NEDD4: variants seen among roughly 807,000 people sequenced by gnomAD.
NEDD4 encodes the protein E3 ubiquitin-protein ligase NEDD4.
Under a neutral mutation model 144.9 loss-of-function variants are expected in NEDD4, and 99 were observed. The observed-to-expected ratio is 0.68, with a 90% CI of 0.58 to 0.81. The LOEUF is 0.81. NEDD4 is among the 30% of genes least tolerant of loss of function. NEDD4 has a pLI of 0.00. For missense variants in NEDD4, 985 were observed against 1,065.9 expected, an observed-to-expected ratio of 0.92 and a Z score of 1.06; for synonymous variants, 318 against 350.6, an observed-to-expected ratio of 0.91 and a Z score of 1.04.
chr15:55,974,891 C>CTTTTTTTTGTTTTTT (rs2037673433), intron 1 of NEDD4, among the ~76,000 whole-genome samples: 1 of 75,700 alleles, frequency 1.3e-5, no homozygotes, highest in Non-Finnish European at 2.5e-5. Flanking sequence ...CTTTTCCTTT[C>CTTTTTTTTGTTTTTT]TTTTTTTTTT....
intron 14 of NEDD4, 97 bp downstream of exon 14, chr15:55,850,444 CA>C: frequency 9.2e-7 from 1 of 1,084,666 alleles, no homozygotes; most frequent in Non-Finnish European, 1.4e-6. Flanking sequence ...TATTAGGAAA[CA>C]TAGGTTATAC....
At chr15:55,865,274 A>G (rs1278162666) in intron 8 of NEDD4, among the ~76,000 whole-genome samples, 4 of 151,792 alleles carry the variant, frequency 2.6e-5, no homozygotes, top group Non-Finnish European at 5.9e-5. Flanking sequence ...CAAAATACGC[A>G]GATTACTTAG....
chr15:55,884,149 G>C lies in NEDD4; in HGVS notation c.292-10141C>G, dbSNP rs2035303208. On this transcript the variant is annotated intron_variant, in intron 5 of 28. Transcript: ENST00000435532. ...CCCACCTTGGCCTCCCAAAGTGCTG[G>C]GATTACAGGCATGAGCCACCATGCC... 3.9e-5 allele frequency among the ~76,000 whole-genome samples: 6 copies of C among 152,190 alleles called. No homozygotes were observed. The South Asian group carries it at 1.2e-3, about 32-fold the overall frequency.
chr15:55,988,487 T>TAAAAAAAAAAA (rs56688563), intron 1 of NEDD4, among the ~76,000 whole-genome samples: 95 of 101,648 alleles, frequency 9.3e-4, no homozygotes, highest in East Asian at 1.7e-3. Context: ...AAAAAAAAAT[T>TAAAAAAAAAAA]AAAAAAAAAA....
chr15:55,903,748 C>T (rs2035987555), intron 5 of NEDD4, among the ~76,000 whole-genome samples: 2 of 149,120 alleles, frequency 1.3e-5, no homozygotes, highest in Admixed American at 1.3e-4. Flanking sequence ...TGGCGTGAAC[C>T]CGGGAGGCGG....
At position 55,829,201 on chromosome 15, in the gene NEDD4, CAT is replaced by C. The variant is rs1467090907; in HGVS notation, c.*694_*695del. ...CCATTGCAAATATGAATTTGCTTCA[CAT>C]GTCTTATGAACCATCTGTTTAGTAA... is the stretch of plus-strand genomic sequence containing the variant. On this transcript the variant is annotated 3_prime_UTR_variant, in exon 29 of 29. Coordinates refer to ENST00000435532, the MANE Select transcript of NEDD4 (RefSeq NM_006154.4). 8 of 152,224 alleles carry C rather than the reference CAT, an allele frequency of 5.3e-5. No homozygotes were observed. The allele number at this position is 152,224 out of a possible 1,614,324, so 9.4% of individuals were successfully genotyped here.
chr15:55,844,551 C>T (rs759639756), intron 18 of NEDD4, among the ~76,000 whole-genome samples: 2 of 152,100 alleles, frequency 1.3e-5, no homozygotes, highest in Non-Finnish European at 2.9e-5. Context: ...GTTATTGACT[C>T]CACCATTCAC....
chr15:55,876,154 A>T (rs561962809), intron 5 of NEDD4, among the ~76,000 whole-genome samples: 1 of 152,276 alleles, frequency 6.6e-6, no homozygotes, highest in Non-Finnish European at 1.5e-5. Flanking sequence ...TCTAGCAAAA[A>T]CTATCCATAA....
chr15:55,935,845 CAAAAAAAA>C (rs35215537), intron 4 of NEDD4, among the ~76,000 whole-genome samples: 1 of 78,264 alleles, frequency 1.3e-5, no homozygotes, highest in Non-Finnish European at 2.4e-5. Flanking sequence ...GACTCTGTTT[CAAAAAAAA>C]AAAAAAAAAA....
At chr15:55,852,725 T>TATATATATATATA (rs2034040939) in intron 12 of NEDD4, among the ~76,000 whole-genome samples, 182 bp from the exon 13 acceptor site, 1 of 134,500 alleles carries the variant, frequency 7.4e-6, no homozygotes, top group African/African-American at 3.2e-5. Flanking sequence ...ATATATATAT[T>TATATATATATATA]TACCTTTTCT....
chr15:55,897,597 TC>T (rs1397504279), intron 5 of NEDD4, among the ~76,000 whole-genome samples: 1 of 152,180 alleles, frequency 6.6e-6, no homozygotes, highest in Admixed American at 6.5e-5. Flanking sequence ...CCTGCTCAAC[TC>T]CCTGCAATCT....
At chr15:55,972,279 A>G (rs2037624530) in intron 1 of NEDD4, among the ~76,000 whole-genome samples, 1 of 152,224 alleles carries the variant, frequency 6.6e-6, no homozygotes, top group African/African-American at 2.4e-5. Context: ...GAGCAGAAAG[A>G]CTAAAAGATG....
chr15:55,945,653 C>A (rs1214107820), intron 4 of NEDD4, among the ~76,000 whole-genome samples: 1 of 152,030 alleles, frequency 6.6e-6, no homozygotes, highest in African/African-American at 2.4e-5. Context: ...TCAGGAAATA[C>A]AGATAACACC....
At chr15:55,882,586 C>G (rs1257815304) in intron 5 of NEDD4, among the ~76,000 whole-genome samples, 6 of 152,126 alleles carry the variant, frequency 3.9e-5, no homozygotes, top group African/African-American at 1.4e-4. Flanking sequence ...ACTTGAAAGG[C>G]AGTTTAGGCC....
intron 5 of NEDD4, among the ~76,000 whole-genome samples, chr15:55,878,140 T>A (rs776469632): frequency 1.3e-5 from 2 of 152,066 alleles, no homozygotes; most frequent in African/African-American, 4.8e-5. Context: ...AATATACAGA[T>A]AAATTGAAGA....
At chr15:55,848,310 C>G in intron 17 of NEDD4, 62 bp downstream of exon 17, 1 of 1,511,900 alleles carries the variant, frequency 6.6e-7, no homozygotes. Flanking sequence ...CCGTGACTAT[C>G]TGCTCTTGAA....
intron 4 of NEDD4, among the ~76,000 whole-genome samples, chr15:55,941,004 C>T (rs2036992920): frequency 6.6e-6 from 1 of 151,998 alleles, no homozygotes; most frequent in Non-Finnish European, 1.5e-5. Flanking sequence ...AGAATTTATC[C>T]ATTTAAACTG....
chr15:55,971,197 C>T (rs374971497), intron 1 of NEDD4, among the ~76,000 whole-genome samples: 5 of 152,046 alleles, frequency 3.3e-5, no homozygotes, highest in African/African-American at 9.6e-5. Context: ...GAATTGATCA[C>T]GCAGAAGAAA....
chr15:55,848,505 A>G lies in NEDD4; in HGVS notation c.1483+16T>C, dbSNP rs1232574618. On this transcript the variant is annotated intron_variant, in intron 16 of 28. Coordinates refer to ENST00000435532, the MANE Select transcript of NEDD4 (RefSeq NM_006154.4). ...ATTACAAAAAATAACATAATGAAAA[A>G]TCGCACTGCACATACTGTGATTTAT... 1.2e-6 allele frequency: 2 copies of G among 1,613,394 alleles called. No homozygotes were observed. Among genetic ancestry groups the G allele is most frequent in the Non-Finnish European group, 1.7e-6 (2 of 1,179,498 alleles).
Sources: gnomAD v4.1 joint callset for allele counts (sites outside exome capture counted in the v4.1 genomes callset) on GRCh38, gnomAD v4.1.1 for gene constraint, MANE v1.5 for transcripts, NCBI Gene and HGNC (gene_info 2026-07-23, HGNC 2026-07-21) for gene names.